Variants in KLF16 observed in about 807,000 individuals in gnomAD.
KLF16 encodes the protein Krueppel-like factor 16.
In KLF16, 6 loss-of-function variants were observed where a neutral mutation model predicts 6.1. The ratio of observed to expected loss-of-function variants is 0.98; its 90% CI spans 0.54 to 1.93. The LOEUF (loss-of-function observed/expected upper bound fraction) is 1.93. Ranked by LOEUF, KLF16 falls within the 30% of genes most tolerant of loss-of-function variation. KLF16 has a pLI of 0.01. For missense variants in KLF16, 355 were observed against 363.8 expected, an observed-to-expected ratio of 0.98 and a Z score of 0.20; for synonymous variants, 211 against 176.5, an observed-to-expected ratio of 1.20 and a Z score of -1.55.
rs1403227235 is a variant in KLF16 at position 1,857,831 on chromosome 19, C to T, written c.458-3071G>A. ...GGCTGGGGCTGGGGAGGCCTCTTAC[C>T]CACCCAGGGAAGGGAGGAGCTCCTG... On this transcript the variant is annotated intron_variant, in intron 1 of 1. Transcript: ENST00000250916. This position sits in a 1 kb window ranked among gnomAD's most constrained non-coding sequence, Gnocchi z 4.7. 6.6e-6 allele frequency among the ~76,000 whole-genome samples: 1 copy of T among 152,056 alleles called. No individual in the cohort carries two copies. The highest frequency in any genetic ancestry group is 1.5e-5 in the Non-Finnish European group (1 of 67,960).
Position 1,854,411 on chromosome 19 carries a change from C to G in KLF16, c.*48G>C. The G allele has an allele frequency of 7.2e-7, 1 of 1,387,944 alleles. No individual in the cohort carries two copies. The highest frequency in any genetic ancestry group is 9.3e-7 in the Non-Finnish European group (1 of 1,080,208). 86.0% of individuals were successfully genotyped at this position (1,387,944 alleles called of 1,614,324 possible). ...CTCCCCGTGGGTCCTCACTACACCC[C>G]TGGATGGCAGAAGCATCCTGGCGGT... On this transcript the variant is annotated 3_prime_UTR_variant, in exon 2 of 2. Coordinates refer to ENST00000250916, the MANE Select transcript of KLF16 (RefSeq NM_031918.4).
Position 1,863,157 on chromosome 19 carries a change from C to T in KLF16, c.341G>A (p.Arg114His). The part of the protein sequence containing the change: ...SSAASSPSSG[R>H]APGAAPSAAA... ...GGCGGAGGGCGCGGCGCCGGGGGCG[C>T]GGCCCGAGGACGGGGACGAGGCGGC... The change falls in exon 1 of 2, where the codon CGC (arginine) becomes CAC (histidine). Residue 114 changes from arginine (R) to histidine (H), a missense_variant. Transcript: ENST00000250916. The T allele has an allele frequency of 2.3e-6, 3 of 1,295,740 alleles. No homozygotes were observed. The highest frequency in any genetic ancestry group is 3.6e-5 in the South Asian group (2 of 54,938). The allele number at this position is 1,295,740 out of a possible 1,614,324, so 80.3% of individuals were successfully genotyped here.
the KLF16 span, among the ~76,000 whole-genome samples, chr19:1,870,442 C>T: frequency 2.0e-5 from 3 of 151,894 alleles, no homozygotes; most frequent in South Asian, 2.1e-4. Context: ...AAGGCCAAGG[C>T]GGGAGAATCG....
the KLF16 span, among the ~76,000 whole-genome samples, chr19:1,872,423 GC>G: frequency 5.3e-5 from 8 of 152,216 alleles, no homozygotes; most frequent in Non-Finnish European, 1.2e-4. Flanking sequence ...GAGCCACCGC[GC>G]CCAGCCTAGT....
At chr19:1,863,799 G>A (rs1409944506), upstream of KLF16, among the ~76,000 whole-genome samples, 1 of 143,040 alleles carries the variant, frequency 7.0e-6, no homozygotes, top group Non-Finnish European at 1.6e-5. Context: ...GCCGCCGGGG[G>A]CGGGGCTCGG....
At chr19:1,860,705 C>T (rs969686679) in intron 1 of KLF16, among the ~76,000 whole-genome samples, 1 of 152,196 alleles carries the variant, frequency 6.6e-6, no homozygotes, top group Non-Finnish European at 1.5e-5. Flanking sequence ...TCCCCCAAAA[C>T]CAGCTTAACG....
At position 1,863,067 on chromosome 19, in the gene KLF16, A is replaced by T; in HGVS notation, c.431T>A (p.Leu144Gln). The change falls in exon 1 of 2, where the codon CTA becomes CAA. Residue 144 changes from leucine (L) to glutamine (Q), a missense_variant. Transcript: ENST00000250916. The stretch of plus-strand genomic sequence containing the variant: ...TGTGTGCGTCCGCAGGTGCGACTTT[A>T]GGTGCGAGGACTTGTAGTAGGCTTT... The part of the protein sequence containing the change: ...CAKAYYKSSH[L>Q]KSHLRTHTGE... 2 of 1,409,266 alleles carry T rather than the reference A, an allele frequency of 1.4e-6. No homozygotes were observed. The highest frequency in any genetic ancestry group is 1.9e-6 in the Non-Finnish European group (2 of 1,063,018). 87.3% of individuals were successfully genotyped at this position (1,409,266 alleles called of 1,614,324 possible).
chr19:1,854,646 A>G lies in KLF16; in HGVS notation c.572T>C (p.Leu191Pro). ...HTGEKRFSCP[L>P]CSKRFTRSDH... ...ACTGCGGGTGAAGCGCTTGGAGCAC[A>G]GAGGGCAGGAGAAGCGCTTCTCGCC... The change falls in exon 2 of 2, where the codon CTG becomes CCG. Residue 191 changes from leucine to proline, a missense_variant. Leu to Pro is a moderately conservative substitution (Grantham distance 98). Coordinates refer to ENST00000250916, the MANE Select transcript of KLF16 (RefSeq NM_031918.4). The G allele has an allele frequency of 6.3e-7, 1 of 1,599,628 alleles. No homozygotes were observed. Among genetic ancestry groups the G allele is most frequent in the Non-Finnish European group, 8.5e-7 (1 of 1,179,414 alleles).
upstream of KLF16, among the ~76,000 whole-genome samples, chr19:1,866,775 C>CAA (rs10672007): frequency 0.26 from 22,105 of 86,390 alleles, 3,449 homozygotes; most frequent in African/African-American, 0.43. Context: ...GACCCTGTCT[C>CAA]AAAAAAAAAA....
chr19:1,872,624 C>A, the KLF16 span, among the ~76,000 whole-genome samples: 4 of 152,230 alleles, frequency 2.6e-5, no homozygotes, highest in African/African-American at 9.6e-5. Flanking sequence ...AGAATAGGCT[C>A]TGGTCTGGCG....
intron 1 of KLF16, chr19:1,862,718 A>AAG: frequency 4.6e-6 from 1 of 217,242 alleles, no homozygotes. Context: ...AACGCAAAAG[A>AAG]AAAAAAAAAA....
At chr19:1,865,812 A>C (rs983573921), upstream of KLF16, among the ~76,000 whole-genome samples, 12 of 152,184 alleles carry the variant, frequency 7.9e-5, no homozygotes, top group African/African-American at 2.7e-4. Context: ...GAACACAGAC[A>C]AACCTCCAGC....
Position 1,863,477 on chromosome 19 carries a change from G to T in KLF16, c.21C>A (p.Cys7Ter). Residue 7 changes from cysteine to a stop codon, truncating the protein, a stop_gained, in exon 1 of 2, where the codon TGC becomes TGA. Transcript: ENST00000250916. LOFTEE classifies it high-confidence loss of function. ...GCACGTCGGCGGCGAAGTAATCCAC[G>T]CACGCCACGGCCGCCGACATGCCGA... is the stretch of plus-strand genomic sequence containing the variant. MSAAVA[C>*]VDYFAADVLM... is the part of the protein sequence containing the mutation. The T allele has an allele frequency of 9.7e-7, 1 of 1,031,450 alleles. No homozygotes were observed. The highest frequency in any genetic ancestry group is 1.2e-6 in the Non-Finnish European group (1 of 857,216). The allele number at this position is 1,031,450 out of a possible 1,614,324, so 63.9% of individuals were successfully genotyped here. A position where few individuals can be genotyped will look rare whatever the true frequency, so the allele number is the denominator to read the frequency against.
the KLF16 span, among the ~76,000 whole-genome samples, chr19:1,869,936 T>C: frequency 1.1e-3 from 150 of 141,172 alleles, no homozygotes; most frequent in East Asian, 3.8e-3. Context: ...TTTTCTTTTT[T>C]TTTTTTTTTT....
Position 1,854,298 on chromosome 19 carries a change from C to T in KLF16, c.*161G>A. ...AGAGCCACCTCTGAGGTCAGGCAGA[C>T]CCAGGTCCAGTCTCAGGCCCCCTCC... On this transcript the variant is annotated 3_prime_UTR_variant, in exon 2 of 2. Coordinates refer to ENST00000250916, the MANE Select transcript of KLF16 (RefSeq NM_031918.4). The T allele has an allele frequency of 1.1e-6, 1 of 874,976 alleles. No homozygotes were observed. The highest frequency in any genetic ancestry group is 1.6e-6 in the Non-Finnish European group (1 of 635,262). 54.2% of individuals were successfully genotyped at this position (874,976 alleles called of 1,614,324 possible). A position where few individuals can be genotyped will look rare whatever the true frequency, so the allele number is the denominator to read the frequency against.
chr19:1,854,893 CA>C, intron 1 of KLF16, 133 bp from the exon 2 acceptor site: 1 of 933,494 alleles, frequency 1.1e-6, no homozygotes, highest in Non-Finnish European at 1.6e-6. Flanking sequence ...GGTGTGAGTT[CA>C]AAACATGGAG....
chr19:1,855,094 C>T (rs1233184699), intron 1 of KLF16, among the ~76,000 whole-genome samples: 1 of 152,178 alleles, frequency 6.6e-6, no homozygotes, highest in Non-Finnish European at 1.5e-5. Context: ...TGGCCCCAGG[C>T]GGGACCCTGG....
upstream of KLF16, among the ~76,000 whole-genome samples, chr19:1,867,041 C>A (rs2012199067): frequency 6.6e-6 from 1 of 152,208 alleles, no homozygotes; most frequent in South Asian, 2.1e-4. Flanking sequence ...AGCCTGAGGG[C>A]TATGGAGCAA....
upstream of KLF16, among the ~76,000 whole-genome samples, chr19:1,867,019 A>G (rs559336299): frequency 2.6e-5 from 4 of 152,278 alleles, no homozygotes; most frequent in South Asian, 6.2e-4. Context: ...AGCCCCAAAG[A>G]TGGACCTCCC....
Sources: allele counts gnomAD v4.1 joint callset (sites outside exome capture counted in the v4.1 genomes callset), GRCh38; gene constraint gnomAD v4.1.1; non-coding constraint Gnocchi (gnomAD v3.1); transcripts MANE v1.5; gene names NCBI Gene and HGNC (gene_info 2026-07-23, HGNC 2026-07-21).